MTHFD1L: variants seen among roughly 807,000 people sequenced by gnomAD.
MTHFD1L encodes monofunctional C1-tetrahydrofolate synthase, mitochondrial.
MTHFD1L carries 81 observed loss-of-function variants against 119.5 expected under a neutral mutation model. That is an observed-to-expected ratio of 0.68 (90% CI 0.57 to 0.82). MTHFD1L has a LOEUF of 0.82. MTHFD1L is among the 40% of genes least tolerant of loss of function. MTHFD1L has a pLI of 0.00. For synonymous variants in MTHFD1L, 430 were observed against 475.2 expected (o/e 0.90, Z 1.24); for missense variants, 1,125 against 1,253.4 (o/e 0.90, Z 1.55).
At chr6:150,915,491 G>A (rs1322814249) in intron 8 of MTHFD1L, among the ~76,000 whole-genome samples, 1 of 152,132 alleles carries the variant, frequency 6.6e-6, no homozygotes, top group Non-Finnish European at 1.5e-5. Flanking sequence ...TTGTAAACTT[G>A]GAAGTGAAAT....
intron 7 of MTHFD1L, among the ~76,000 whole-genome samples, chr6:150,902,714 G>A (rs1354648320): frequency 1.3e-5 from 2 of 152,112 alleles, no homozygotes; most frequent in Admixed American, 1.3e-4. Context: ...TGTAGGTATG[G>A]AGTTGAGGGG....
chr6:150,961,246 A>C (rs1050151539), intron 18 of MTHFD1L, among the ~76,000 whole-genome samples: 4 of 152,068 alleles, frequency 2.6e-5, no homozygotes, highest in African/African-American at 9.7e-5. Flanking sequence ...GGCGCACGCC[A>C]CCACGCCCAG....
At chr6:150,914,062 G>A (rs761652361) in intron 8 of MTHFD1L, among the ~76,000 whole-genome samples, 19 of 152,190 alleles carry the variant, frequency 1.2e-4, no homozygotes, top group Non-Finnish European at 2.4e-4. Context: ...CCCAGGAGGC[G>A]GAGGCTGCAG....
intron 26 of MTHFD1L, among the ~76,000 whole-genome samples, chr6:151,055,180 C>T (rs573154274): frequency 5.3e-5 from 8 of 152,018 alleles, no homozygotes; most frequent in African/African-American, 1.2e-4. Context: ...GCAGAAGAAT[C>T]GCTTAAACCC....
Position 150,871,849 on chromosome 6 carries a change from A to T in MTHFD1L, c.228-4241A>T, listed in dbSNP as rs191876536. Among the ~76,000 whole-genome samples the T allele has an allele frequency of 1.9e-3, 281 of 148,578 alleles. 1 individual carries two copies. Among genetic ancestry groups the T allele is most frequent in the African/African-American group, 6.5e-3 (262 of 40,588 alleles). ...CTTTGTTGTCATTTTATTTTATTTT[A>T]ATTTTATTTTATTTTATTTTAATTT... On this transcript the variant is annotated intron_variant, in intron 1 of 27. Transcript: ENST00000367321.
chr6:150,885,771 T>C, intron 6 of MTHFD1L, 37 bp downstream of exon 6: 1 of 1,459,358 alleles, frequency 6.9e-7, no homozygotes, highest in Non-Finnish European at 9.6e-7. Context: ...TGATTTCTAT[T>C]TATTGGTATT....
intron 21 of MTHFD1L, among the ~76,000 whole-genome samples, chr6:151,010,893 A>G (rs1782114475): frequency 6.6e-6 from 1 of 152,262 alleles, no homozygotes; most frequent in Admixed American, 6.5e-5. Flanking sequence ...TGCATAGTCA[A>G]AACAAGTAGC....
chr6:151,009,046 C>T (rs1459605781), intron 20 of MTHFD1L, among the ~76,000 whole-genome samples: 10 of 148,138 alleles, frequency 6.8e-5, no homozygotes, highest in African/African-American at 2.5e-4. Context: ...CGCTTGAACC[C>T]GGGAGGCGGA....
intron 26 of MTHFD1L, among the ~76,000 whole-genome samples, chr6:151,075,555 T>G (rs9397032): frequency 0.42 from 63,528 of 152,060 alleles, 15,521 homozygotes; most frequent in East Asian, 0.71. Context: ...GTCAGAATTT[T>G]TTAAACCCCT....
intron 26 of MTHFD1L, among the ~76,000 whole-genome samples, chr6:151,069,915 A>G (rs1166923700): frequency 6.6e-6 from 1 of 152,180 alleles, no homozygotes; most frequent in African/African-American, 2.4e-5. Flanking sequence ...CACACAGTAA[A>G]ACACTACCTC....
intron 23 of MTHFD1L, 62 bp from the exon 24 acceptor site, chr6:151,015,454 C>T: frequency 6.5e-7 from 1 of 1,538,190 alleles, no homozygotes; most frequent in Non-Finnish European, 8.8e-7. Context: ...AATGGTGAGT[C>T]TTTCTTTGAA....
intron 11 of MTHFD1L, chr6:150,935,269 C>T: frequency 6.2e-7 from 1 of 1,611,852 alleles, no homozygotes; most frequent in African/African-American, 1.3e-5. Flanking sequence ...TTGTTGTGGA[C>T]TCTGTTGATG....
chr6:150,886,113 G>A (rs11755145), intron 6 of MTHFD1L, among the ~76,000 whole-genome samples: 6,345 of 152,202 alleles, frequency 0.042, 167 homozygotes, highest in Non-Finnish European at 0.063. Flanking sequence ...CTATCAATAT[G>A]TAGCCTTAGA....
At chr6:150,925,130 A>G (rs750057140) in intron 10 of MTHFD1L, among the ~76,000 whole-genome samples, 4 of 152,178 alleles carry the variant, frequency 2.6e-5, no homozygotes, top group Non-Finnish European at 5.9e-5. Context: ...GGGGCTGACT[A>G]AAGTCCACTG....
In MTHFD1L at chr6:150,897,074, G is replaced by A. The variant is rs546354740; in HGVS notation, c.781-8576G>A. Among the ~76,000 whole-genome samples, 13 of 152,150 alleles carry A rather than the reference G, an allele frequency of 8.5e-5. 1 individual carries two copies. In the South Asian group the frequency reaches 1.7e-3, roughly 19 times the overall value. ...GGAGCTTGCAGTGAGCCGAGATCGCGCCACTGCACTCCAGCCTGGGCAATA... is the reference window on the plus strand; with the variant it reads ...GGAGCTTGCAGTGAGCCGAGATCGCACCACTGCACTCCAGCCTGGGCAATA... On this transcript the variant is annotated intron_variant, in intron 7 of 27. Transcript: ENST00000367321.
intron 20 of MTHFD1L, among the ~76,000 whole-genome samples, chr6:150,987,850 C>T (rs1674425745): frequency 6.6e-6 from 1 of 152,168 alleles, no homozygotes; most frequent in African/African-American, 2.4e-5. Context: ...TGAACACAGG[C>T]ATATTTTCCA....
At chr6:150,963,781 C>T (rs370521164) in intron 18 of MTHFD1L, among the ~76,000 whole-genome samples, 1 of 152,136 alleles carries the variant, frequency 6.6e-6, no homozygotes, top group African/African-American at 2.4e-5. Flanking sequence ...CCGTTACAAG[C>T]ATTTGCTTAT....
At chr6:150,980,194 A>T (rs1002070623) in intron 20 of MTHFD1L, among the ~76,000 whole-genome samples, 1 of 152,234 alleles carries the variant, frequency 6.6e-6, no homozygotes, top group Non-Finnish European at 1.5e-5. Context: ...GCTGAAGGTC[A>T]TGTGCGAACT....
chr6:150,866,402 C>G (rs1015290112), intron 1 of MTHFD1L: 1 of 1,361,218 alleles, frequency 7.3e-7, no homozygotes, highest in South Asian at 1.7e-5. Flanking sequence ...AGGGGCGGTG[C>G]GGCTGGGGCG....
Sources: gnomAD v4.1 joint callset for allele counts (sites outside exome capture counted in the v4.1 genomes callset) on GRCh38, gnomAD v4.1.1 for gene constraint, MANE v1.5 for transcripts, NCBI Gene and HGNC (gene_info 2026-07-23, HGNC 2026-07-21) for gene names.